ST6GALNAC1: variants seen among roughly 807,000 people sequenced by gnomAD.
The protein encoded by ST6GALNAC1 is alpha-N-acetylgalactosaminide alpha-2,6-sialyltransferase 1.
Under a neutral mutation model 56.8 loss-of-function variants are expected in ST6GALNAC1, and 45 were observed. That is an observed-to-expected ratio of 0.79 (90% CI 0.62 to 1.02). The LOEUF (loss-of-function observed/expected upper bound fraction) is 1.02, where lower values mean the gene tolerates loss of function less well. Ranked by LOEUF, ST6GALNAC1 falls within the 50% of genes least tolerant of loss-of-function variation. The probability of loss-of-function intolerance (pLI) is 0.00; values close to 1 mark genes in which losing one functional copy is unlikely to be tolerated. For missense variants in ST6GALNAC1, 743 were observed against 754.8 expected (o/e 0.98, Z 0.18); for synonymous variants, 295 against 297.8 (o/e 0.99, Z 0.10).
At chr17:76,639,135 C>T (rs572734183) in intron 1 of ST6GALNAC1, among the ~76,000 whole-genome samples, 1 of 152,318 alleles carries the variant, frequency 6.6e-6, no homozygotes, top group East Asian at 1.9e-4. Flanking sequence ...AGTTAACTCC[C>T]TTACTCTAAA....
chr17:76,637,272 T>TAAAAACA (rs2075989031), intron 1 of ST6GALNAC1, among the ~76,000 whole-genome samples: 1 of 18,168 alleles, frequency 5.5e-5, no homozygotes, highest in Non-Finnish European at 9.3e-5. Flanking sequence ...CAATAAATAC[T>TAAAAACA]AAAAAAAAAA....
intron 1 of ST6GALNAC1, 45 bp from the exon 2 acceptor site, chr17:76,629,756 A>G (rs1232645799): frequency 6.9e-7 from 1 of 1,456,444 alleles, no homozygotes; most frequent in Admixed American, 1.9e-5. Flanking sequence ...GATTGTGGAA[A>G]CAGGTCAGAA....
At chr17:76,617,511 G>C in the ST6GALNAC1 span, among the ~76,000 whole-genome samples, 2 of 152,188 alleles carry the variant, frequency 1.3e-5, no homozygotes, top group East Asian at 3.8e-4. Context: ...GGGACATGTG[G>C]TTATAGGATT....
Position 76,626,330 on chromosome 17 carries a change from A to C in ST6GALNAC1, c.1374T>G (p.Leu458=), listed in dbSNP as rs768526716. ...TRDYEWLEAL[L]MNQTVMSKNL... is the part of the protein sequence containing the mutation. The stretch of plus-strand genomic sequence containing the variant: ...TTTTTGACATCACCGTCTGATTCAT[A>C]AGCAGTGCTTCCAGCCACTCATAGT... The change falls in exon 6 of 9, where the codon CTT becomes CTG. Residue 458 remains leucine (L), a synonymous_variant. Coordinates refer to ENST00000156626, the MANE Select transcript of ST6GALNAC1 (RefSeq NM_018414.5). 1 of 1,614,180 alleles carries C rather than the reference A, an allele frequency of 6.2e-7. No individual in the cohort carries two copies. The highest frequency in any genetic ancestry group is 1.1e-5 in the South Asian group (1 of 91,086).
intron 1 of ST6GALNAC1, among the ~76,000 whole-genome samples, chr17:76,635,978 A>T (rs540005140): frequency 1.3e-5 from 2 of 152,276 alleles, no homozygotes; most frequent in South Asian, 4.1e-4. Context: ...GGGGTTACCT[A>T]AGCTGAGTCT....
At position 76,638,991 on chromosome 17, in the gene ST6GALNAC1, G is replaced by T. The variant is rs117017033; in HGVS notation, c.131+4517C>A. ...CTTTCTTCCTGTTCAAACTGTCCTCGCTCACGGTCTCATTAATGCTATCCT... is the reference window on the plus strand; with the variant it reads ...CTTTCTTCCTGTTCAAACTGTCCTCTCTCACGGTCTCATTAATGCTATCCT... On this transcript the variant is annotated intron_variant, in intron 1 of 8. Coordinates refer to ENST00000156626, the MANE Select transcript of ST6GALNAC1 (RefSeq NM_018414.5). 1.2e-4 allele frequency among the ~76,000 whole-genome samples: 19 copies of T among 152,136 alleles called. No homozygotes were observed. In the East Asian group the frequency reaches 3.1e-3, roughly 25 times the overall value.
At chr17:76,642,053 T>G (rs1360764962) in intron 1 of ST6GALNAC1, 1 of 151,206 alleles carries the variant, frequency 6.6e-6, no homozygotes, top group African/African-American at 2.4e-5. Flanking sequence ...TATATCTATA[T>G]ATACATATCT....
At chr17:76,618,545 AGATGGGTG>A in the ST6GALNAC1 span, among the ~76,000 whole-genome samples, 1 of 152,134 alleles carries the variant, frequency 6.6e-6, no homozygotes, top group Non-Finnish European at 1.5e-5. Context: ...TGGGAGGTTG[AGATGGGTG>A]GATCACTTGA....
In ST6GALNAC1 at chr17:76,629,382, T is replaced by C. The variant is rs764781294; in HGVS notation, c.461A>G (p.Gln154Arg). ...CTTTGTGTCCTGGCTCTTCCATGAT[T>C]GTGCCTCTGTCCTGCCAGAGGCCAT... ...AGMASGRTEA[Q>R]SWKSQDTKTT... is the part of the protein sequence containing the mutation. The change falls in exon 2 of 9, where the codon CAA becomes CGA. Residue 154 changes from glutamine to arginine, a missense_variant. Coordinates refer to ENST00000156626, the MANE Select transcript of ST6GALNAC1 (RefSeq NM_018414.5). 1.4e-5 allele frequency: 22 copies of C among 1,614,042 alleles called. No individual in the cohort carries two copies. The highest frequency in any genetic ancestry group is 1.7e-5 in the Non-Finnish European group (20 of 1,180,016).
At chr17:76,641,750 A>G (rs1895676064) in intron 1 of ST6GALNAC1, 1 of 152,182 alleles carries the variant, frequency 6.6e-6, no homozygotes. Flanking sequence ...TCACTTACGC[A>G]AGTGCTCAAA....
intron 2 of ST6GALNAC1, among the ~76,000 whole-genome samples, chr17:76,628,075 C>T (rs959205772): frequency 9.4e-4 from 117 of 124,426 alleles, no homozygotes; most frequent in African/African-American, 3.3e-3. Flanking sequence ...CCAGCCTGGG[C>T]GACAGAGCGA....
intron 1 of ST6GALNAC1, 100 bp from the exon 2 acceptor site, chr17:76,629,811 C>G: frequency 1.1e-6 from 1 of 875,200 alleles, no homozygotes; most frequent in Non-Finnish European, 1.7e-6. Context: ...GAGACACAGT[C>G]TTGCTCTGTC....
At chr17:76,638,799 T>G (rs1188463315) in intron 1 of ST6GALNAC1, among the ~76,000 whole-genome samples, 1 of 152,196 alleles carries the variant, frequency 6.6e-6, no homozygotes, top group Non-Finnish European at 1.5e-5. Flanking sequence ...CAGGCTGGTC[T>G]CGAACTCCTG....
intron 1 of ST6GALNAC1, among the ~76,000 whole-genome samples, chr17:76,639,656 C>CACACACACACACACAA (rs2076021904): frequency 7.7e-6 from 1 of 130,040 alleles, no homozygotes; most frequent in African/African-American, 3.2e-5. Context: ...CACACACACA[C>CACACACACACACACAA]ACACACACAC....
chr17:76,619,146 AC>A, the ST6GALNAC1 span, among the ~76,000 whole-genome samples: 1 of 152,082 alleles, frequency 6.6e-6, no homozygotes, highest in Admixed American at 6.6e-5. Context: ...TTCTTTAAGC[AC>A]GTCCTTACTT....
chr17:76,627,545 C>G lies in ST6GALNAC1; in HGVS notation c.870G>C (p.Ser290=), dbSNP rs774352564. The part of the protein sequence containing the change: ...PDSVKIKASK[S]LWLQKLFLPN... The stretch of plus-strand genomic sequence containing the variant: ...GCAGAAAGAGTTTCTGGAGCCACAG[C>G]GACTTGGAGGCTTTGATCTTCACAG... The change falls in exon 3 of 9, where the codon TCG becomes TCC. Residue 290 remains serine (S), a synonymous_variant. Transcript: ENST00000156626. This position sits in a 1 kb window ranked among gnomAD's most constrained non-coding sequence, Gnocchi z 4.4. The G allele has an allele frequency of 1.9e-6, 3 of 1,614,112 alleles. No homozygotes were observed. The South Asian group carries it at 3.3e-5, about 18-fold the overall frequency.
rs2075773796 is a variant in ST6GALNAC1 at position 76,624,859 on chromosome 17, AC to A, written c.*470del. On this transcript the variant is annotated 3_prime_UTR_variant, in exon 9 of 9. Coordinates refer to ENST00000156626, the MANE Select transcript of ST6GALNAC1 (RefSeq NM_018414.5). ...CGTAGAGTTGTCAAATAGCTTAAAG[AC>A]AAGGACAAGTATAGACCCTTCTAGA... is the stretch of plus-strand genomic sequence containing the variant. 1 of 159,436 alleles carries A rather than the reference AC, an allele frequency of 6.3e-6. No individual in the cohort carries two copies. Among genetic ancestry groups the A allele is most frequent in the African/African-American group, 2.4e-5 (1 of 41,532 alleles). The allele number at this position is 159,436 out of a possible 1,614,324, so 9.9% of individuals were successfully genotyped here. A position where few individuals can be genotyped will look rare whatever the true frequency, so the allele number is the denominator to read the frequency against.
rs1331493176 is a variant in ST6GALNAC1 at position 76,643,499 on chromosome 17, G to A, written c.131+9C>T. On this transcript the variant is annotated intron_variant, in intron 1 of 8. Coordinates refer to ENST00000156626, the MANE Select transcript of ST6GALNAC1 (RefSeq NM_018414.5). ...GAAATATGAGGAGTGGAAAGGACAA[G>A]AATCTTACCTGGAAGGCTTTGTTTG... 6.2e-7 allele frequency: 1 copy of A among 1,613,446 alleles called. No homozygotes were observed. The highest frequency in any genetic ancestry group is 1.3e-5 in the African/African-American group (1 of 74,892).
chr17:76,625,277 C>G lies in ST6GALNAC1; in HGVS notation c.*53G>C. 1 of 1,579,398 alleles carries G rather than the reference C, an allele frequency of 6.3e-7. No individual in the cohort carries two copies. The highest frequency in any genetic ancestry group is 8.6e-7 in the Non-Finnish European group (1 of 1,159,844). ...TGGCCAAAGAGTCTCAAGATTCCCA[C>G]TGTATCCTGTGCCTTGGAGCAGGCA... is the stretch of plus-strand genomic sequence containing the variant. On this transcript the variant is annotated 3_prime_UTR_variant, in exon 9 of 9. Transcript: ENST00000156626.
Sources: gnomAD v4.1 joint callset for allele counts (sites outside exome capture counted in the v4.1 genomes callset) on GRCh38, gnomAD v4.1.1 for gene constraint, Gnocchi (gnomAD v3.1) non-coding constraint, MANE v1.5 for transcripts, NCBI Gene and HGNC (gene_info 2026-07-23, HGNC 2026-07-21) for gene names.